Variants in HADHA observed in about 807,000 individuals in gnomAD.
HADHA encodes the protein hydroxyacyl-CoA dehydrogenase trifunctional multienzyme complex subunit alpha, also known as trifunctional enzyme subunit alpha, mitochondrial.
A neutral mutation model predicts 91.3 loss-of-function variants in HADHA; 59 were observed. The observed-to-expected ratio is 0.65, with a 90% CI of 0.52 to 0.80. The LOEUF (loss-of-function observed/expected upper bound fraction) is 0.80, where lower values mean the gene tolerates loss of function less well. Ranked by LOEUF, HADHA falls within the 30% of genes least tolerant of loss-of-function variation. HADHA has a pLI of 0.00. For synonymous variants in HADHA, 320 were observed against 338.9 expected (o/e 0.94, Z 0.61); for missense variants, 800 against 927.6 (o/e 0.86, Z 1.79).
At chr2:26,193,352 C>G (rs1669568320) in intron 17 of HADHA, among the ~76,000 whole-genome samples, 1 of 148,018 alleles carries the variant, frequency 6.8e-6, no homozygotes, top group African/African-American at 2.5e-5. Flanking sequence ...TGGCCTCACA[C>G]TTCTGGGCTC....
rs1293290418 is a variant in HADHA, at chr2:26,210,847, A to G, written c.976-958T>C. 3.9e-5 allele frequency: 6 copies of G among 152,228 alleles called. No individual in the cohort carries two copies. Among genetic ancestry groups the G allele is most frequent in the Non-Finnish European group, 8.8e-5 (6 of 68,048 alleles). 9.4% of individuals were successfully genotyped at this position (152,228 alleles called of 1,614,324 possible). A position where few individuals can be genotyped will look rare whatever the true frequency, so the allele number is the denominator to read the frequency against. Reference sequence around the variant, plus strand: ...ATGGGAAAAACAATACCCATTTTACAGTATTGTTCTGGGGGATTAAATGAG... The same window carrying G: ...ATGGGAAAAACAATACCCATTTTACGGTATTGTTCTGGGGGATTAAATGAG... On this transcript the variant is annotated intron_variant, in intron 10 of 19. Coordinates refer to ENST00000380649, the MANE Select transcript of HADHA (RefSeq NM_000182.5). This position sits in a 1 kb window ranked among gnomAD's most constrained non-coding sequence, Gnocchi z 4.0.
At chr2:26,213,387 T>C (rs191601749) in intron 9 of HADHA, among the ~76,000 whole-genome samples, 3 of 152,346 alleles carry the variant, frequency 2.0e-5, no homozygotes, top group African/African-American at 7.2e-5. Context: ...CTCTCTAGAA[T>C]CTTTATCGGA....
intron 1 of HADHA, among the ~76,000 whole-genome samples, chr2:26,240,358 A>G (rs1328635756): frequency 6.6e-6 from 1 of 152,340 alleles, no homozygotes; most frequent in East Asian, 1.9e-4. Flanking sequence ...CTTACATTCC[A>G]GGTCAGCAGG....
In HADHA at chr2:26,210,273, G is replaced by C. The variant is rs554784698; in HGVS notation, c.976-384C>G. ...GGAAGAGGAGGTCCAAAGAAATGGAGTGACTTTGCTCAAGGCTATACTGCC... is the reference window on the plus strand; with the variant it reads ...GGAAGAGGAGGTCCAAAGAAATGGACTGACTTTGCTCAAGGCTATACTGCC... On this transcript the variant is annotated intron_variant, in intron 10 of 19. Transcript: ENST00000380649. This position sits in a 1 kb window ranked among gnomAD's most constrained non-coding sequence, Gnocchi z 4.0. Among the ~76,000 whole-genome samples the C allele has an allele frequency of 6.6e-6, 1 of 152,320 alleles. No individual in the cohort carries two copies. The highest frequency in any genetic ancestry group is 2.1e-4 in the South Asian group (1 of 4,830).
intron 7 of HADHA, among the ~76,000 whole-genome samples, chr2:26,227,090 G>A (rs1454232792): frequency 6.6e-6 from 1 of 152,074 alleles, no homozygotes; most frequent in Non-Finnish European, 1.5e-5. Context: ...CTGAAAACTC[G>A]ATAATAGGAA....
intron 13 of HADHA, among the ~76,000 whole-genome samples, chr2:26,200,035 C>T (rs889337249): frequency 6.6e-6 from 1 of 152,206 alleles, no homozygotes; most frequent in Non-Finnish European, 1.5e-5. Context: ...GAGGAAGATA[C>T]TAGAGAGGAC....
chr2:26,191,472 G>A lies in HADHA; in HGVS notation c.2146+11C>T. On this transcript the variant is annotated intron_variant, in intron 19 of 19. Transcript: ENST00000380649. Reference sequence around the variant, plus strand: ...CTAAAGTGAGCTTCCTTCCCAACCTGCGAGACCAACCTCCCAGACAAGGCG... The same window carrying A: ...CTAAAGTGAGCTTCCTTCCCAACCTACGAGACCAACCTCCCAGACAAGGCG... 1 of 1,614,156 alleles carries A rather than the reference G, an allele frequency of 6.2e-7. No individual in the cohort carries two copies. Among genetic ancestry groups the A allele is most frequent in the Non-Finnish European group, 8.5e-7 (1 of 1,180,024 alleles).
intron 3 of HADHA, among the ~76,000 whole-genome samples, chr2:26,238,340 T>G (rs1383210298): frequency 6.6e-6 from 1 of 152,034 alleles, no homozygotes; most frequent in Non-Finnish European, 1.5e-5. Flanking sequence ...TACACCAAAT[T>G]TAGATGGGGG....
intron 9 of HADHA, among the ~76,000 whole-genome samples, chr2:26,213,909 C>T (rs1325530195): frequency 3.3e-5 from 5 of 152,192 alleles, no homozygotes; most frequent in Non-Finnish European, 7.3e-5. Context: ...CTTGGACTTT[C>T]CACACTGAAA....
chr2:26,194,079 T>C (rs1167496638), intron 16 of HADHA, among the ~76,000 whole-genome samples: 2 of 152,094 alleles, frequency 1.3e-5, no homozygotes, highest in African/African-American at 4.8e-5. Context: ...GACGGCTGAG[T>C]GTGTCATGAC....
At chr2:26,194,746 A>G in intron 15 of HADHA, 108 bp from the exon 16 acceptor site, 1 of 775,736 alleles carries the variant, frequency 1.3e-6, no homozygotes, top group Non-Finnish European at 2.3e-6. Flanking sequence ...TCACTGTAAA[A>G]CTTAAGGTGA....
At chr2:26,233,143 G>A (rs902332205) in intron 5 of HADHA, among the ~76,000 whole-genome samples, 2 of 152,166 alleles carry the variant, frequency 1.3e-5, no homozygotes, top group East Asian at 3.8e-4. Context: ...AACTCAGGTG[G>A]TAATGTTCAC....
Position 26,236,840 on chromosome 2 carries a change from T to C in HADHA, c.314+15A>G, listed in dbSNP as rs1305715180. The C allele has an allele frequency of 6.2e-7, 1 of 1,603,402 alleles. No individual in the cohort carries two copies. The highest frequency in any genetic ancestry group is 8.5e-7 in the Non-Finnish European group (1 of 1,171,930). On this transcript the variant is annotated intron_variant, in intron 4 of 19. Coordinates refer to ENST00000380649, the MANE Select transcript of HADHA (RefSeq NM_000182.5). The stretch of plus-strand genomic sequence containing the variant: ...AACCAAGATAAAAGGTGACTTCAAG[T>C]TTCCTAAAACTTACTTGATATCAGC...
chr2:26,236,422 A>G (rs867689773), intron 4 of HADHA, among the ~76,000 whole-genome samples: 25 of 95,342 alleles, frequency 2.6e-4, no homozygotes, highest in East Asian at 7.7e-4. Context: ...GTGTGTGTGT[A>G]TATACTTTTT....
rs1213249036 is a variant in HADHA at position 26,221,566 on chromosome 2, G to C, written c.677-6391C>G. ...AAATGGAAGTGGTATATGTAAGACT[G>C]GGCTTAAACAGACCCTAAAGGCACA... On this transcript the variant is annotated intron_variant, in intron 7 of 19. Transcript: ENST00000380649. The surrounding 1 kb of genome is among the most constrained non-coding windows in gnomAD (Gnocchi z 4.8). Among the ~76,000 whole-genome samples the C allele has an allele frequency of 1.3e-5, 2 of 152,144 alleles. No homozygotes were observed. Among genetic ancestry groups the C allele is most frequent in the Non-Finnish European group, 2.9e-5 (2 of 68,036 alleles).
intron 12 of HADHA, among the ~76,000 whole-genome samples, chr2:26,202,079 G>A (rs1004707582): frequency 1.3e-5 from 2 of 152,032 alleles, no homozygotes; most frequent in East Asian, 1.9e-4. Context: ...GATTATAGGC[G>A]TGAGCCACCG....
At chr2:26,203,284 G>C (rs1294871383) in intron 12 of HADHA, among the ~76,000 whole-genome samples, 2 of 152,180 alleles carry the variant, frequency 1.3e-5, no homozygotes, top group Admixed American at 1.3e-4. Flanking sequence ...AAACAAAAAA[G>C]CTCACTCAGC....
At chr2:26,206,310 C>T (rs1453222774) in intron 11 of HADHA, among the ~76,000 whole-genome samples, 1 of 151,112 alleles carries the variant, frequency 6.6e-6, no homozygotes, top group African/African-American at 2.4e-5. Context: ...CTCATTGCAA[C>T]CTCTGCCTCC....
chr2:26,213,066 C>T (rs773347656), intron 9 of HADHA, among the ~76,000 whole-genome samples: 7 of 152,124 alleles, frequency 4.6e-5, no homozygotes, highest in Admixed American at 1.3e-4. Flanking sequence ...AAAAAAATAA[C>T]CCTGTACTTA....
Sources: allele counts gnomAD v4.1 joint callset (sites outside exome capture counted in the v4.1 genomes callset), GRCh38; gene constraint gnomAD v4.1.1; non-coding constraint Gnocchi (gnomAD v3.1); transcripts MANE v1.5; gene names NCBI Gene and HGNC (gene_info 2026-07-23, HGNC 2026-07-21).